Variants in SBSPON observed in about 807,000 individuals in gnomAD.
SBSPON encodes the protein somatomedin-B and thrombospondin type-1 domain-containing protein.
SBSPON carries 30 observed loss-of-function variants against 35.8 expected under a neutral mutation model. That is an observed-to-expected ratio of 0.84 (90% CI 0.63 to 1.14). The LOEUF is 1.14. SBSPON is among the 50% of genes most tolerant of loss of function. The pLI is 0.00. For missense variants in SBSPON, 364 were observed against 357.7 expected, an observed-to-expected ratio of 1.02 and a Z score of -0.14; for synonymous variants, 136 against 135.9, an observed-to-expected ratio of 1.00 and a Z score of 0.00.
intron 2 of SBSPON, among the ~76,000 whole-genome samples, chr8:73,079,393 C>G (rs1231733145): frequency 6.6e-6 from 1 of 152,156 alleles, no homozygotes; most frequent in African/African-American, 2.4e-5. Context: ...GACGTCCTCT[C>G]TCATGCAGCC....
At chr8:73,077,224 G>A (rs1810609900) in intron 2 of SBSPON, among the ~76,000 whole-genome samples, 1 of 152,220 alleles carries the variant, frequency 6.6e-6, no homozygotes. Context: ...GTTGTTTTAA[G>A]CCACTAAATT....
At chr8:73,068,555 G>A (rs1810435169) in intron 4 of SBSPON, among the ~76,000 whole-genome samples, 1 of 152,172 alleles carries the variant, frequency 6.6e-6, no homozygotes, top group Non-Finnish European at 1.5e-5. Context: ...TTTGTATAGT[G>A]TTATCAAATT....
intron 1 of SBSPON, among the ~76,000 whole-genome samples, chr8:73,088,126 C>T (rs1810869427): frequency 6.6e-6 from 1 of 152,152 alleles, no homozygotes; most frequent in Admixed American, 6.5e-5. Flanking sequence ...ATGTCTTTGA[C>T]AGTTTAGTAA....
intron 1 of SBSPON, among the ~76,000 whole-genome samples, chr8:73,091,387 G>C (rs1367829393): frequency 2.6e-5 from 4 of 152,200 alleles, no homozygotes; most frequent in Non-Finnish European, 5.9e-5. Context: ...TGCCCAGCTA[G>C]AGTAGAAAGT....
At position 73,069,881 on chromosome 8, in the gene SBSPON, C is replaced by T. The variant is rs1387322808; in HGVS notation, c.601G>A (p.Val201Met). Residue 201 changes from valine (V) to methionine (M), a missense_variant, in exon 4 of 5, where the codon GTG becomes ATG. Val to Met is a conservative substitution (Grantham distance 21). Transcript: ENST00000297354. ...WMQYLREGYT[V>M]CVDCQPPAMN... ...GCTGGAGGCTGACAATCCACACACA[C>T]CGTGTATCCCTCTCGGAGATACTGC... 2 of 1,613,540 alleles carry T rather than the reference C, an allele frequency of 1.2e-6. No individual in the cohort carries two copies. The highest frequency in any genetic ancestry group is 1.1e-5 in the South Asian group (1 of 91,056).
chr8:73,066,828 A>G lies in SBSPON; in HGVS notation c.*513T>C, dbSNP rs992692868. ...TTTAAATAATTTGCCCTGTGGAAAA[A>G]TTATTTGTGATAATTTGCTTGAAAT... On this transcript the variant is annotated 3_prime_UTR_variant, in exon 5 of 5. Transcript: ENST00000297354. 1 of 152,226 alleles carries G rather than the reference A, an allele frequency of 6.6e-6. No homozygotes were observed. Among genetic ancestry groups the G allele is most frequent in the African/African-American group, 2.4e-5 (1 of 41,460 alleles). The allele number at this position is 152,226 out of a possible 1,614,324, so 9.4% of individuals were successfully genotyped here. A position where few individuals can be genotyped will look rare whatever the true frequency, so the allele number is the denominator to read the frequency against.
At position 73,092,908 on chromosome 8, in the gene SBSPON, G is replaced by C; in HGVS notation, c.160C>G (p.Gln54Glu). ...DRVYGTCFCD[Q>E]ACRFTGDCCF... Reference sequence around the variant, plus strand: ...CAGTCCCCGGTGAAGCGACAGGCTTGGTCGCAGAAACACGTCCCGTAGACC... The same window carrying C: ...CAGTCCCCGGTGAAGCGACAGGCTTCGTCGCAGAAACACGTCCCGTAGACC... The change falls in exon 1 of 5, where the codon CAA becomes GAA. Residue 54 changes from glutamine to glutamate, a missense_variant. Transcript: ENST00000297354. 1.2e-6 allele frequency: 2 copies of C among 1,611,758 alleles called. No homozygotes were observed. The highest frequency in any genetic ancestry group is 1.7e-6 in the Non-Finnish European group (2 of 1,179,450).
rs11986749 is a variant in SBSPON at position 73,091,304 on chromosome 8, G to A, written c.214+1550C>T. Among the ~76,000 whole-genome samples, 520 of 152,266 alleles carry A rather than the reference G, an allele frequency of 3.4e-3. 5 individuals carry two copies. The highest frequency in any genetic ancestry group is 0.012 in the African/African-American group (486 of 41,562). ...TCCTTGAATTCCTTGGGTCTTTTAA[G>A]TGCTTCCTTCCAGGTCAGCTCCTGG... On this transcript the variant is annotated intron_variant, in intron 1 of 4. Coordinates refer to ENST00000297354, the MANE Select transcript of SBSPON (RefSeq NM_153225.4).
At chr8:73,087,248 T>C (rs1256397712) in intron 1 of SBSPON, among the ~76,000 whole-genome samples, 1 of 152,196 alleles carries the variant, frequency 6.6e-6, no homozygotes, top group Non-Finnish European at 1.5e-5. Context: ...CAAATCTCGC[T>C]ACACCAGTTA....
At chr8:73,076,458 C>T (rs1476931083) in intron 2 of SBSPON, among the ~76,000 whole-genome samples, 1 of 152,024 alleles carries the variant, frequency 6.6e-6, no homozygotes, top group Non-Finnish European at 1.5e-5. Context: ...CAGAACTTGG[C>T]CAGCAGGGCG....
intron 1 of SBSPON, among the ~76,000 whole-genome samples, chr8:73,084,357 T>C (rs969490360): frequency 6.6e-6 from 1 of 152,258 alleles, no homozygotes; most frequent in Admixed American, 6.5e-5. Context: ...TACAATTACT[T>C]TAAAAGATGT....
intron 2 of SBSPON, among the ~76,000 whole-genome samples, chr8:73,075,308 T>C (rs1411951619): frequency 1.3e-5 from 2 of 152,180 alleles, no homozygotes; most frequent in African/African-American, 4.8e-5. Context: ...ATTGCCAAGG[T>C]CCCTCTCACA....
intron 4 of SBSPON, among the ~76,000 whole-genome samples, chr8:73,068,046 G>T (rs1392553278): frequency 1.3e-5 from 2 of 152,082 alleles, no homozygotes; most frequent in Non-Finnish European, 2.9e-5. Context: ...TTTAAACTGG[G>T]AGGTCTGAAC....
intron 3 of SBSPON, among the ~76,000 whole-genome samples, chr8:73,071,368 A>T (rs1398697559): frequency 6.6e-6 from 1 of 152,206 alleles, no homozygotes; most frequent in Non-Finnish European, 1.5e-5. Context: ...GCTGAGCGTG[A>T]AGGTGACTTC....
At chr8:73,071,668 T>G in intron 3 of SBSPON, 112 bp downstream of exon 3, 1 of 663,378 alleles carries the variant, frequency 1.5e-6, no homozygotes, top group Admixed American at 2.8e-5. Context: ...TTAGCCAAAG[T>G]CAAAGAGCAA....
At position 73,092,869 on chromosome 8, in the gene SBSPON, C is replaced by A. The variant is rs575015842; in HGVS notation, c.199G>T (p.Asp67Tyr). 1.4e-5 allele frequency: 23 copies of A among 1,611,362 alleles called. No individual in the cohort carries two copies. Among genetic ancestry groups the A allele is most frequent in the Non-Finnish European group, 2.0e-5 (23 of 1,179,224 alleles). Reference protein sequence around the residue: ...RFTGDCCFDYDRACPARPCFV... With the variant: ...RFTGDCCFDYYRACPARPCFV... ...GACCACCCACCTGGGCACGCCCTGT[C>A]GTAGTCGAAGCAGCAGTCCCCGGTG... is the stretch of plus-strand genomic sequence containing the variant. Residue 67 changes from aspartate (D) to tyrosine (Y), a missense_variant, in exon 1 of 5, where the codon GAC becomes TAC. Asp to Tyr is a radical substitution (Grantham distance 160, BLOSUM62 -3). Coordinates refer to ENST00000297354, the MANE Select transcript of SBSPON (RefSeq NM_153225.4).
rs779875776 is a variant in SBSPON, at chr8:73,071,768, A to C, written c.500+12T>G. ...AAAACATGATTAAAAAAAAAAAAAA[A>C]CACGAAATTACCCAGCATCCTCTGT... On this transcript the variant is annotated intron_variant, in intron 3 of 4. Transcript: ENST00000297354. 17 of 1,534,066 alleles carry C rather than the reference A, an allele frequency of 1.1e-5. No homozygotes were observed. The highest frequency in any genetic ancestry group is 3.7e-5 in the Admixed American group (2 of 54,692).
At position 73,064,984 on chromosome 8, in the gene SBSPON, T is replaced by C. The variant is rs901985104; in HGVS notation, c.*2357A>G. On this transcript the variant is annotated 3_prime_UTR_variant, in exon 5 of 5. Transcript: ENST00000297354. ...TAAAAAAGAGTGCCAAGAGGTCTTATATACTTTGATTTTTAAATTTGAAAA... is the reference window on the plus strand; with the variant it reads ...TAAAAAAGAGTGCCAAGAGGTCTTACATACTTTGATTTTTAAATTTGAAAA... The C allele has an allele frequency of 2.6e-5, 4 of 152,228 alleles. No homozygotes were observed. The highest frequency in any genetic ancestry group is 1.3e-4 in the Admixed American group (2 of 15,280). The allele number at this position is 152,228 out of a possible 1,614,324, so 9.4% of individuals were successfully genotyped here.
intron 2 of SBSPON, among the ~76,000 whole-genome samples, chr8:73,080,196 G>C (rs1486614795): frequency 6.6e-6 from 1 of 152,160 alleles, no homozygotes; most frequent in Middle Eastern, 3.4e-3. Flanking sequence ...TGAGAGGAGG[G>C]GCAGGTAAAA....
Sources: gnomAD v4.1 joint callset for allele counts (sites outside exome capture counted in the v4.1 genomes callset) on GRCh38, gnomAD v4.1.1 for gene constraint, MANE v1.5 for transcripts, NCBI Gene and HGNC (gene_info 2026-07-23, HGNC 2026-07-21) for gene names.